Variants in CNGB1 observed in about 807,000 individuals in gnomAD.
CNGB1 encodes the protein cyclic nucleotide-gated channel beta-1.
In CNGB1, 126 loss-of-function variants were observed where a neutral mutation model predicts 151.7. That is an observed-to-expected ratio of 0.83 (90% CI 0.72 to 0.96). The LOEUF (loss-of-function observed/expected upper bound fraction) is 0.96. Among genes scored for constraint, CNGB1 ranks in the 40% least tolerant of loss-of-function variants. The pLI, the probability that CNGB1 is intolerant of heterozygous loss-of-function variation, is 0.00. For missense variants in CNGB1, 1,698 were observed against 1,627.0 expected (o/e 1.04, Z -0.75); for synonymous variants, 623 against 635.1 (o/e 0.98, Z 0.29).
intron 29 of CNGB1, 113 bp downstream of exon 29, chr16:57,901,239 T>C: frequency 9.7e-7 from 1 of 1,035,930 alleles, no homozygotes; most frequent in East Asian, 2.4e-5. Flanking sequence ...CTCTTCTCCC[T>C]CCCCAACAAT....
chr16:57,944,292 A>AT (rs1334822192), intron 14 of CNGB1, among the ~76,000 whole-genome samples: 1 of 152,244 alleles, frequency 6.6e-6, no homozygotes, highest in African/African-American at 2.4e-5. Flanking sequence ...AGAAAGACAC[A>AT]TACCATATGA....
intron 14 of CNGB1, among the ~76,000 whole-genome samples, chr16:57,945,218 A>G (rs1961777230): frequency 6.6e-6 from 1 of 152,166 alleles, no homozygotes. Flanking sequence ...GCCTCTGAGT[A>G]TTTTGGAGAC....
intron 24 of CNGB1, among the ~76,000 whole-genome samples, 186 bp from the exon 25 acceptor site, chr16:57,912,061 A>G (rs1238711931): frequency 1.3e-5 from 2 of 152,026 alleles, no homozygotes; most frequent in East Asian, 3.9e-4. Flanking sequence ...ATTGGAACAG[A>G]GGTAGCAGAG....
Position 57,884,087 on chromosome 16 carries a change from G to T in CNGB1, c.*77C>A. The T allele has an allele frequency of 6.3e-7, 1 of 1,599,256 alleles. No homozygotes were observed. The highest frequency in any genetic ancestry group is 8.6e-7 in the Non-Finnish European group (1 of 1,166,982). On this transcript the variant is annotated 3_prime_UTR_variant, in exon 33 of 33. Transcript: ENST00000251102. ...CTCTTGAGCCGTGGGGGAAGGTGGG[G>T]CGCTGGGGCGCAGGGGCGCAGCGGG...
chr16:57,909,696 T>A (rs1468743256), intron 25 of CNGB1, among the ~76,000 whole-genome samples: 3 of 152,214 alleles, frequency 2.0e-5, no homozygotes, highest in African/African-American at 7.2e-5. Context: ...GCTAAAAAAG[T>A]TTTTTTAAAT....
chr16:57,928,145 AGTTT>A (rs1470287340), intron 17 of CNGB1, among the ~76,000 whole-genome samples: 10 of 152,232 alleles, frequency 6.6e-5, no homozygotes, highest in Non-Finnish European at 1.2e-4. Context: ...TGCCCTTGGC[AGTTT>A]GCCTCCAGCT....
intron 17 of CNGB1, among the ~76,000 whole-genome samples, chr16:57,927,987 A>C (rs1238507143): frequency 6.6e-6 from 1 of 152,158 alleles, no homozygotes; most frequent in South Asian, 2.1e-4. Flanking sequence ...AGCCATCTCC[A>C]CTCTGACAGC....
intron 14 of CNGB1, among the ~76,000 whole-genome samples, chr16:57,941,526 GAA>G (rs1961667383): frequency 6.6e-6 from 1 of 152,192 alleles, no homozygotes; most frequent in Non-Finnish European, 1.5e-5. Context: ...CAGTCTGCAT[GAA>G]AAGTCTCCCC....
rs373789950 is a variant in CNGB1 at position 57,903,806 on chromosome 16, G to A, written c.2794+16C>T. The stretch of plus-strand genomic sequence containing the variant: ...TTGACTGGGAGCTGGTGGCTGCCAG[G>A]GCGTGACCATCTTACCCAGCATGCC... On this transcript the variant is annotated intron_variant, in intron 27 of 32. Transcript: ENST00000251102. 17 of 1,613,692 alleles carry A rather than the reference G, an allele frequency of 1.1e-5. No homozygotes were observed. The highest frequency in any genetic ancestry group is 1.3e-5 in the African/African-American group (1 of 74,912).
At chr16:57,949,301 C>CA (rs1961886811) in intron 14 of CNGB1, 52 bp downstream of exon 14, 1 of 1,601,680 alleles carries the variant, frequency 6.2e-7, no homozygotes, top group African/African-American at 1.3e-5. Flanking sequence ...CCCAGGAGCT[C>CA]AGCCAACCCC....
intron 2 of CNGB1, among the ~76,000 whole-genome samples, chr16:57,966,235 C>A (rs912567237): frequency 2.0e-5 from 3 of 152,218 alleles, no homozygotes; most frequent in African/African-American, 7.2e-5. Context: ...TGTTGAGACT[C>A]ACCACGTTCC....
chr16:57,917,151 G>T, intron 21 of CNGB1, 117 bp downstream of exon 21: 1 of 872,914 alleles, frequency 1.1e-6, no homozygotes, highest in South Asian at 1.4e-5. Flanking sequence ...AGCCGTTCTT[G>T]AGATTTCCTT....
At chr16:57,900,411 T>C (rs1477800943) in intron 29 of CNGB1, among the ~76,000 whole-genome samples, 2 of 152,202 alleles carry the variant, frequency 1.3e-5, no homozygotes, top group Admixed American at 1.3e-4. Context: ...TGGGTAATGT[T>C]TCCCCCCGTA....
chr16:57,901,059 TG>T (rs11330673), intron 29 of CNGB1, among the ~76,000 whole-genome samples: 126,399 of 150,690 alleles, frequency 0.84, 53,183 homozygotes, highest in East Asian at 0.99. Flanking sequence ...AAGGTGGAGT[TG>T]GGGGGGGGGT....
chr16:57,969,356 C>T (rs898873850), intron 1 of CNGB1, among the ~76,000 whole-genome samples: 1 of 152,126 alleles, frequency 6.6e-6, no homozygotes, highest in Non-Finnish European at 1.5e-5. Context: ...GTGGCTCACA[C>T]CTGCAATCCC....
rs150290245 is a variant in CNGB1 at position 57,899,221 on chromosome 16, A to C, written c.2977-1307T>G. Among the ~76,000 whole-genome samples, 18 of 152,316 alleles carry C rather than the reference A, an allele frequency of 1.2e-4. No homozygotes were observed. In the East Asian group the frequency reaches 3.3e-3, roughly 28 times the overall value. On this transcript the variant is annotated intron_variant, in intron 29 of 32. Transcript: ENST00000251102. ...CTTTGGACTGCAATTAGAAACACCT[A>C]GTCTGCCATGCGCCTTCCAATCCTC...
intron 18 of CNGB1, 59 bp downstream of exon 18, chr16:57,923,214 C>A (rs71387201): frequency 8.5e-6 from 11 of 1,295,922 alleles, no homozygotes; most frequent in Non-Finnish European, 1.2e-5. Context: ...ACTAGCCCCC[C>A]CACATCCCCC....
chr16:57,959,416 C>T (rs759873628), intron 10 of CNGB1, among the ~76,000 whole-genome samples: 3 of 151,994 alleles, frequency 2.0e-5, no homozygotes, highest in Non-Finnish European at 4.4e-5. Context: ...GAGTTTGAGA[C>T]TAGCGTGGCC....
intron 32 of CNGB1, 57 bp downstream of exon 32, chr16:57,887,798 C>A: frequency 6.5e-7 from 1 of 1,543,196 alleles, no homozygotes; most frequent in African/African-American, 1.4e-5. Flanking sequence ...GACCCCTTGG[C>A]CTTCTCCCTG....
Sources: allele counts gnomAD v4.1 joint callset (sites outside exome capture counted in the v4.1 genomes callset), GRCh38; gene constraint gnomAD v4.1.1; transcripts MANE v1.5; gene names NCBI Gene and HGNC (gene_info 2026-07-23, HGNC 2026-07-21).